PTPRD: variants seen among roughly 807,000 people sequenced by gnomAD.
PTPRD encodes the protein protein tyrosine phosphatase receptor type D.
PTPRD carries 34 observed loss-of-function variants against 214.5 expected under a neutral mutation model. The observed-to-expected ratio is 0.16, with a 90% CI of 0.12 to 0.21. The LOEUF (loss-of-function observed/expected upper bound fraction) is 0.21, where lower values mean the gene tolerates loss of function less well. Ranked by LOEUF, PTPRD falls within the 10% of genes least tolerant of loss-of-function variation. The pLI is 1.00. For synonymous variants in PTPRD, 1,128 were observed against 845.7 expected, an observed-to-expected ratio of 1.33 and a Z score of -5.79; for missense variants, 2,545 against 2,398.7, an observed-to-expected ratio of 1.06 and a Z score of -1.27.
At chr9:8,775,854 T>TA (rs1015221628) in intron 11 of PTPRD, among the ~76,000 whole-genome samples, 1 of 150,282 alleles carries the variant, frequency 6.7e-6, no homozygotes, top group African/African-American at 2.5e-5. Context: ...AAAAAAAAAA[T>TA]GATGCAATAA....
chr9:9,695,317 T>C (rs2097352760), intron 7 of PTPRD, among the ~76,000 whole-genome samples: 1 of 152,134 alleles, frequency 6.6e-6, no homozygotes, highest in Non-Finnish European at 1.5e-5. Flanking sequence ...CTGGTATCCA[T>C]GACATAAGAC....
chr9:8,643,518 C>T (rs1268346510), intron 12 of PTPRD, among the ~76,000 whole-genome samples: 1 of 152,186 alleles, frequency 6.6e-6, no homozygotes, highest in Non-Finnish European at 1.5e-5. Context: ...GGCCACTGCC[C>T]TCACACTGGC....
chr9:9,009,243 T>G (rs1036176595), intron 11 of PTPRD, among the ~76,000 whole-genome samples: 1 of 152,126 alleles, frequency 6.6e-6, no homozygotes, highest in African/African-American at 2.4e-5. Context: ...TTACCAGGAA[T>G]ATGATATGCT....
At chr9:10,225,240 G>C (rs899565197) in intron 3 of PTPRD, among the ~76,000 whole-genome samples, 28 of 151,890 alleles carry the variant, frequency 1.8e-4, no homozygotes, top group African/African-American at 6.5e-4. Flanking sequence ...TTAAAAAATA[G>C]AATAATATTT....
chr9:8,790,757 T>C (rs939213864), intron 11 of PTPRD, among the ~76,000 whole-genome samples: 1 of 138,762 alleles, frequency 7.2e-6, no homozygotes, highest in African/African-American at 2.5e-5. Flanking sequence ...TTGCTTAGTA[T>C]GTAGGGAAAG....
At chr9:9,334,580 G>C (rs1264690526) in intron 9 of PTPRD, among the ~76,000 whole-genome samples, 1 of 151,928 alleles carries the variant, frequency 6.6e-6, no homozygotes, top group African/African-American at 2.4e-5. Flanking sequence ...ACTTTCTCTT[G>C]TGGGGTTTGG....
chr9:8,943,223 T>C (rs117598187), intron 11 of PTPRD, among the ~76,000 whole-genome samples: 356 of 152,180 alleles, frequency 2.3e-3, no homozygotes, highest in South Asian at 9.5e-3. Context: ...AATCTAAAGA[T>C]TCAATCTCTA....
intron 2 of PTPRD, among the ~76,000 whole-genome samples, chr9:10,467,789 G>T (rs996667693): frequency 1.1e-4 from 17 of 151,918 alleles, no homozygotes; most frequent in African/African-American, 2.9e-4. Context: ...CTAAAGCAAA[G>T]AAATATAAAT....
chr9:10,395,954 T>TGAGAGAGAGAGA (rs368100918), intron 2 of PTPRD, among the ~76,000 whole-genome samples: 25 of 134,378 alleles, frequency 1.9e-4, no homozygotes, highest in Admixed American at 1.1e-3. Context: ...ATAGAGAGAA[T>TGAGAGAGAGAGA]GAGAGAGAGA....
At chr9:10,393,056 C>T (rs560143040) in intron 2 of PTPRD, among the ~76,000 whole-genome samples, 1 of 151,932 alleles carries the variant, frequency 6.6e-6, no homozygotes, top group African/African-American at 2.4e-5. Context: ...TTACCCTGAA[C>T]TCCTGATGCT....
intron 2 of PTPRD, among the ~76,000 whole-genome samples, chr9:10,388,806 AGGAATAG>A (rs2097985987): frequency 6.6e-6 from 1 of 151,816 alleles, no homozygotes; most frequent in African/African-American, 2.4e-5. Context: ...AGGAAGTGTG[AGGAATAG>A]AGGTAGAAAT....
intron 8 of PTPRD, among the ~76,000 whole-genome samples, chr9:9,568,680 G>C (rs1390129880): frequency 6.6e-6 from 1 of 151,858 alleles, no homozygotes; most frequent in East Asian, 1.9e-4. Flanking sequence ...ACGATAATCA[G>C]ATGCTATGTC....
chr9:10,024,095 G>A (rs2096875412), intron 4 of PTPRD, among the ~76,000 whole-genome samples: 1 of 152,002 alleles, frequency 6.6e-6, no homozygotes, highest in Non-Finnish European at 1.5e-5. Flanking sequence ...TCATGTGAAA[G>A]TAATATTTGC....
intron 10 of PTPRD, among the ~76,000 whole-genome samples, chr9:9,140,949 A>G (rs2099859341): frequency 6.6e-6 from 1 of 152,098 alleles, no homozygotes; most frequent in African/African-American, 2.4e-5. Flanking sequence ...ACCTTTCTCA[A>G]TTTCCCCTGT....
chr9:10,535,462 C>T (rs2057535759), intron 2 of PTPRD, among the ~76,000 whole-genome samples: 1 of 152,038 alleles, frequency 6.6e-6, no homozygotes, highest in Non-Finnish European at 1.5e-5. Flanking sequence ...TATTTGTAAT[C>T]TGGTGAGCTT....
At chr9:8,610,284 C>A (rs1320632817) in intron 14 of PTPRD, among the ~76,000 whole-genome samples, 1 of 152,114 alleles carries the variant, frequency 6.6e-6, no homozygotes, top group Non-Finnish European at 1.5e-5. Context: ...TTGTAAAGCA[C>A]TTAGCATACT....
At chr9:9,828,690 T>G (rs1033423708) in intron 5 of PTPRD, among the ~76,000 whole-genome samples, 2 of 151,492 alleles carry the variant, frequency 1.3e-5, no homozygotes, top group African/African-American at 4.8e-5. Flanking sequence ...CTAATGAAAA[T>G]CTAAAGGTAA....
intron 7 of PTPRD, among the ~76,000 whole-genome samples, chr9:9,686,215 G>T (rs1411147492): frequency 6.6e-6 from 1 of 151,132 alleles, no homozygotes; most frequent in African/African-American, 2.4e-5. Context: ...CATTCATTCA[G>T]ATGTTGTAAT....
At chr9:9,334,064 A>G (rs1659733480) in intron 9 of PTPRD, among the ~76,000 whole-genome samples, 1 of 151,992 alleles carries the variant, frequency 6.6e-6, no homozygotes, top group South Asian at 2.1e-4. Flanking sequence ...TCAATGTTGA[A>G]AGAAAATGCC....
Sources: gnomAD v4.1 joint callset for allele counts (sites outside exome capture counted in the v4.1 genomes callset) on GRCh38, gnomAD v4.1.1 for gene constraint, MANE v1.5 for transcripts, NCBI Gene and HGNC (gene_info 2026-07-23, HGNC 2026-07-21) for gene names.